The following CDK14 variants were observed in gnomAD, a reference collection of about 807,000 sequenced individuals.
CDK14 encodes the protein cyclin dependent kinase 14.
In CDK14, 34 loss-of-function variants were observed where a neutral mutation model predicts 60.7. The observed-to-expected ratio is 0.56, with a 90% CI of 0.43 to 0.75. CDK14 has a LOEUF of 0.75. CDK14 is among the 30% of genes least tolerant of loss of function. The pLI is 0.00. For missense variants in CDK14, 482 were observed against 564.1 expected (o/e 0.85, Z 1.47); for synonymous variants, 197 against 203.7 (o/e 0.97, Z 0.28).
chr7:90,709,494 C>T, intron 2 of CDK14: 1 of 1,607,218 alleles, frequency 6.2e-7, no homozygotes, highest in South Asian at 1.1e-5. Flanking sequence ...CATTGCAAAT[C>T]AATATCTTTC....
chr7:90,931,801 T>C (rs1425342942), intron 8 of CDK14, among the ~76,000 whole-genome samples: 2 of 151,426 alleles, frequency 1.3e-5, no homozygotes, highest in African/African-American at 4.9e-5. Flanking sequence ...TGTGTGTGTG[T>C]TTTGGTGAGA....
chr7:91,050,604 A>G (rs911425602), intron 11 of CDK14, among the ~76,000 whole-genome samples: 1 of 152,232 alleles, frequency 6.6e-6, no homozygotes. Flanking sequence ...CAATGGTATT[A>G]TATATTATAA....
intron 2 of CDK14, among the ~76,000 whole-genome samples, chr7:90,636,784 A>G (rs914591628): frequency 6.6e-6 from 1 of 152,150 alleles, no homozygotes; most frequent in Non-Finnish European, 1.5e-5. Flanking sequence ...TTGGTTGGTA[A>G]GCTATTGATT....
intron 11 of CDK14, among the ~76,000 whole-genome samples, chr7:91,073,701 A>T (rs983789903): frequency 7.9e-5 from 12 of 152,108 alleles, no homozygotes; most frequent in Admixed American, 7.2e-4. Flanking sequence ...TAGAAGACAG[A>T]CTGGCAAACT....
chr7:90,964,740 G>A (rs62468480), intron 9 of CDK14, among the ~76,000 whole-genome samples: 4,328 of 152,086 alleles, frequency 0.028, 89 homozygotes, highest in South Asian at 0.071. Context: ...TAGGTATTAT[G>A]GTAGATGAGG....
chr7:91,059,368 TTGA>T (rs1797701690), intron 11 of CDK14, among the ~76,000 whole-genome samples: 2 of 152,178 alleles, frequency 1.3e-5, no homozygotes, highest in Admixed American at 1.3e-4. Context: ...CCTGGATTCA[TTGA>T]TTTTTTGAAG....
intron 10 of CDK14, among the ~76,000 whole-genome samples, chr7:90,984,851 A>G (rs941381684): frequency 3.3e-5 from 5 of 152,344 alleles, no homozygotes; most frequent in East Asian, 3.9e-4. Flanking sequence ...ACTGACAGAC[A>G]TTCTACAAAA....
At chr7:90,775,921 A>G (rs2116910847) in intron 4 of CDK14, among the ~76,000 whole-genome samples, 2 of 152,086 alleles carry the variant, frequency 1.3e-5, no homozygotes, top group East Asian at 3.9e-4. Flanking sequence ...TATATGGTAC[A>G]TGTGGGTATT....
chr7:90,932,602 A>G (rs147574791), intron 8 of CDK14, among the ~76,000 whole-genome samples: 3 of 152,226 alleles, frequency 2.0e-5, no homozygotes, highest in African/African-American at 7.2e-5. Context: ...TCTGTGGAAC[A>G]TAAGTTGGGG....
chr7:91,041,003 C>T (rs1797075184), intron 10 of CDK14, among the ~76,000 whole-genome samples: 1 of 152,152 alleles, frequency 6.6e-6, no homozygotes, highest in Non-Finnish European at 1.5e-5. Flanking sequence ...CACAGCGAGG[C>T]CCTCTTTTTC....
intron 2 of CDK14, among the ~76,000 whole-genome samples, chr7:90,687,843 G>T (rs1801470416): frequency 6.6e-6 from 1 of 152,112 alleles, no homozygotes; most frequent in Admixed American, 6.6e-5. Flanking sequence ...CAATTTCTGA[G>T]GTACCCTGAT....
Position 91,140,303 on chromosome 7 carries a change from T to A in CDK14, c.*28+22095T>A, listed in dbSNP as rs1355958922. 2.0e-5 allele frequency among the ~76,000 whole-genome samples: 3 copies of A among 152,178 alleles called. No individual in the cohort carries two copies. The South Asian group carries it at 6.2e-4, about 32-fold the overall frequency. On this transcript the variant is annotated intron_variant, in intron 14 of 14. Transcript: ENST00000380050. ...CTTCCTTTGGAAAGTTGAAATAAATTTAAGAGGTGCTTTTTCTGGCCTTGA... is the reference window on the plus strand; with the variant it reads ...CTTCCTTTGGAAAGTTGAAATAAATATAAGAGGTGCTTTTTCTGGCCTTGA...
chr7:90,706,197 A>G (rs17163100), intron 2 of CDK14, among the ~76,000 whole-genome samples: 2,147 of 152,248 alleles, frequency 0.014, 45 homozygotes, highest in African/African-American at 0.048. Context: ...TCTAATAAAG[A>G]TATTCTTAAC....
chr7:91,132,759 T>A (rs1451697339), intron 14 of CDK14, among the ~76,000 whole-genome samples: 1 of 152,078 alleles, frequency 6.6e-6, no homozygotes, highest in Non-Finnish European at 1.5e-5. Context: ...AATTTCAGGA[T>A]GATAAAGGGT....
chr7:90,737,727 G>T (rs563124320), intron 3 of CDK14, among the ~76,000 whole-genome samples: 1 of 152,176 alleles, frequency 6.6e-6, no homozygotes, highest in African/African-American at 2.4e-5. Context: ...GCCCAGTCAG[G>T]TTTGACTTTA....
intron 2 of CDK14, among the ~76,000 whole-genome samples, chr7:90,699,902 C>T (rs7777795): frequency 0.82 from 124,627 of 152,118 alleles, 51,179 homozygotes; most frequent in Non-Finnish European, 0.84. Flanking sequence ...CAGGGGAGGA[C>T]TGATAAAACT....
At chr7:90,952,578 C>T (rs755800974) in intron 8 of CDK14, among the ~76,000 whole-genome samples, 27 of 152,128 alleles carry the variant, frequency 1.8e-4, no homozygotes, top group Non-Finnish European at 2.5e-4. Flanking sequence ...AGGTGCCCAT[C>T]GGAATTGTAC....
intron 8 of CDK14, among the ~76,000 whole-genome samples, chr7:90,938,704 A>C (rs963836804): frequency 6.6e-6 from 1 of 152,218 alleles, no homozygotes; most frequent in Non-Finnish European, 1.5e-5. Flanking sequence ...AAAAGTTAGT[A>C]ATGTGTGAAG....
chr7:91,050,883 A>G (rs1797371844), intron 11 of CDK14, among the ~76,000 whole-genome samples: 1 of 152,216 alleles, frequency 6.6e-6, no homozygotes, highest in Non-Finnish European at 1.5e-5. Flanking sequence ...AGTTAGTGTC[A>G]GAGGTGAAAG....
Sources: allele counts gnomAD v4.1 joint callset (sites outside exome capture counted in the v4.1 genomes callset), GRCh38; gene constraint gnomAD v4.1.1; transcripts MANE v1.5; gene names NCBI Gene and HGNC (gene_info 2026-07-23, HGNC 2026-07-21).